The following MAGT1 variants were observed in gnomAD, a reference collection of about 807,000 sequenced individuals.
MAGT1 encodes the protein magnesium transporter 1.
A neutral mutation model predicts 28.4 loss-of-function variants in MAGT1; 4 were observed. That is an observed-to-expected ratio of 0.14 (90% confidence interval 0.07 to 0.32). The LOEUF (loss-of-function observed/expected upper bound fraction) is 0.32, where lower values mean the gene tolerates loss of function less well. MAGT1 is among the 10% of genes least tolerant of loss of function. The probability of loss-of-function intolerance (pLI) is 1.00; values close to 1 mark genes in which losing one functional copy is unlikely to be tolerated. For missense variants in MAGT1, 193 were observed against 264.5 expected (o/e 0.73, Z 1.88); for synonymous variants, 89 against 89.7 (o/e 0.99, Z 0.04).
chrX:77,868,110 A>T lies in MAGT1; in HGVS notation c.390+2698T>A, dbSNP rs961267736. On this transcript the variant is annotated intron_variant, in intron 3 of 9. Transcript: ENST00000618282. ...CAGAACATAAGATGAGGCTTGGGTG[A>T]AAGTGGAAGAGAAAACAGTTTAATT... 5 of 67,012 alleles carry T rather than the reference A, an allele frequency of 7.5e-5. 1 individual carries two copies. The highest frequency in any genetic ancestry group is 1.7e-4 in the African/African-American group (5 of 28,754). 5.5% of individuals were successfully genotyped at this position (67,012 alleles called of 1,213,427 possible).
chrX:77,840,224 A>AC (rs1408886133), intron 8 of MAGT1, among the ~76,000 whole-genome samples: 2 of 94,821 alleles, frequency 2.1e-5, no homozygotes, highest in African/African-American at 7.8e-5. Flanking sequence ...ACATGGTGAA[A>AC]CCCCGTCTCT....
At position 77,836,137 on chromosome X, in the gene MAGT1, GA is replaced by G. The variant is rs1358128306; in HGVS notation, c.901+5108del. 4.6e-5 allele frequency among the ~76,000 whole-genome samples: 5 copies of G among 108,952 alleles called. No homozygotes were observed. In the Admixed American group the frequency reaches 5.0e-4, roughly 11 times the overall value. The allele number at this position is 108,952 out of a possible 115,157, so 94.6% of individuals were successfully genotyped here. The stretch of plus-strand genomic sequence containing the variant: ...CATTAAGTGAAACAATTCAGGTACA[GA>G]AAAAAAAATCATATGTTCTCACTTA... On this transcript the variant is annotated intron_variant, in intron 8 of 9. Coordinates refer to ENST00000618282, the MANE Select transcript of MAGT1 (RefSeq NM_001367916.1).
Position 77,841,176 on chromosome X carries a change from A to T in MAGT1, c.901+70T>A, listed in dbSNP as rs1171473720. ...CTACTTATCCTATAAGTAAGAGGAA[A>T]AGTGATTAAGAGATCACTCTTTTTC... On this transcript the variant is annotated intron_variant, in intron 8 of 9. Coordinates refer to ENST00000618282, the MANE Select transcript of MAGT1 (RefSeq NM_001367916.1). 8 of 822,893 alleles carry T rather than the reference A, an allele frequency of 9.7e-6. No homozygotes were observed. In the Admixed American group the frequency reaches 1.4e-4, roughly 15 times the overall value. The allele number at this position is 822,893 out of a possible 1,213,427, so 67.8% of individuals were successfully genotyped here.
chrX:77,876,156 ATATATATATTTTTTT>A (rs1210727634), intron 1 of MAGT1, among the ~76,000 whole-genome samples: 15 of 31,718 alleles, frequency 4.7e-4, no homozygotes, highest in Admixed American at 1.1e-3. Flanking sequence ...ATATATATAT[ATATATATATTTTTTT>A]TTTTTTTTTT....
chrX:77,857,019 T>A, intron 4 of MAGT1, 146 bp from the exon 5 acceptor site: 1 of 525,825 alleles, frequency 1.9e-6, no homozygotes, highest in Non-Finnish European at 3.2e-6. Flanking sequence ...CCAATCAAAC[T>A]AGTCTATAAT....
intron 8 of MAGT1, among the ~76,000 whole-genome samples, chrX:77,834,278 G>T (rs1557213680): frequency 1.1e-5 from 1 of 92,916 alleles, no homozygotes; most frequent in African/African-American, 3.9e-5. Context: ...ATGCATATAT[G>T]TATATATATG....
Position 77,827,938 on chromosome X carries a change from G to GTA in MAGT1, c.*1280_*1281dup, listed in dbSNP as rs2076887845. 1 of 110,954 alleles carries GTA rather than the reference G, an allele frequency of 9.0e-6. No homozygotes were observed. Among genetic ancestry groups the GTA allele is most frequent in the South Asian group, 3.8e-4 (1 of 2,628 alleles). 9.1% of individuals were successfully genotyped at this position (110,954 alleles called of 1,213,427 possible). A position where few individuals can be genotyped will look rare whatever the true frequency, so the allele number is the denominator to read the frequency against. The stretch of plus-strand genomic sequence containing the variant: ...AATCTGAAATCTTTCTAAATACAAG[G>GTA]TAGTTAACACCATACTCAAGCAGAA... On this transcript the variant is annotated 3_prime_UTR_variant, in exon 10 of 10. Transcript: ENST00000618282.
intron 3 of MAGT1, among the ~76,000 whole-genome samples, chrX:77,862,465 C>T (rs1256001386): frequency 9.0e-6 from 1 of 110,884 alleles, no homozygotes; most frequent in Non-Finnish European, 1.9e-5. Flanking sequence ...CAACAAGGAA[C>T]TAATGTCCAG....
In MAGT1 at chrX:77,834,957, CT is replaced by C. The variant is rs1217379123; in HGVS notation, c.902-4063del. ...TGATCTGATCGAAAAAACATAAAAT[CT>C]TTTTTTTTTTTTTTTGAGACGGAGT... On this transcript the variant is annotated intron_variant, in intron 8 of 9. Transcript: ENST00000618282. 9.7e-3 allele frequency among the ~76,000 whole-genome samples: 939 copies of C among 96,550 alleles called. 11 individuals are homozygous for C. Among genetic ancestry groups the C allele is most frequent in the African/African-American group, 0.029 (771 of 26,865 alleles). The allele number at this position is 96,550 out of a possible 115,157, so 83.8% of individuals were successfully genotyped here.
intron 8 of MAGT1, among the ~76,000 whole-genome samples, chrX:77,838,555 C>T (rs1227822430): frequency 2.7e-5 from 3 of 109,775 alleles, no homozygotes; most frequent in Non-Finnish European, 3.8e-5. Flanking sequence ...GTCAGGAGTT[C>T]GAGACCAGCC....
At chrX:77,862,611 C>T (rs1342252545) in intron 3 of MAGT1, among the ~76,000 whole-genome samples, 2 of 111,700 alleles carry the variant, frequency 1.8e-5, no homozygotes, top group Non-Finnish European at 3.8e-5. Flanking sequence ...AGACATTTCT[C>T]AAAAGAAGAC....
At chrX:77,856,584 T>C in intron 5 of MAGT1, 149 bp downstream of exon 5, 1 of 559,531 alleles carries the variant, frequency 1.8e-6, no homozygotes, top group Non-Finnish European at 2.8e-6. Flanking sequence ...TGAAACAAAC[T>C]GATTTTAAGA....
intron 9 of MAGT1, among the ~76,000 whole-genome samples, chrX:77,830,412 G>A (rs187871218): frequency 1.8e-5 from 2 of 111,060 alleles, no homozygotes; most frequent in African/African-American, 6.5e-5. Flanking sequence ...TTGAGGTCAG[G>A]AGTCCAAGAC....
At chrX:77,840,057 CCA>C (rs1234506642) in intron 8 of MAGT1, among the ~76,000 whole-genome samples, 3 of 110,397 alleles carry the variant, frequency 2.7e-5, no homozygotes, top group Admixed American at 9.8e-5. Flanking sequence ...AGACAGAGGA[CCA>C]CACAGTTATT....
intron 3 of MAGT1, among the ~76,000 whole-genome samples, chrX:77,863,946 C>A (rs2077001724): frequency 1.8e-5 from 2 of 110,898 alleles, no homozygotes; most frequent in African/African-American, 6.5e-5. Context: ...ATGGCTTGAA[C>A]CTGGGAGGTT....
intron 3 of MAGT1, among the ~76,000 whole-genome samples, chrX:77,870,453 T>C (rs1446205766): frequency 1.8e-5 from 2 of 111,250 alleles, no homozygotes; most frequent in Non-Finnish European, 3.8e-5. Flanking sequence ...ATATCTATAG[T>C]ATAGATAGCT....
chrX:77,878,288 GC>G (rs1388495623), intron 1 of MAGT1, among the ~76,000 whole-genome samples: 6 of 31,130 alleles, frequency 1.9e-4, no homozygotes, highest in Admixed American at 1.6e-3. Context: ...AAACTCTGAT[GC>G]AAAAAAAAAA....
chrX:77,884,695 T>C (rs2077062329), intron 1 of MAGT1, among the ~76,000 whole-genome samples: 1 of 107,172 alleles, frequency 9.3e-6, no homozygotes, highest in African/African-American at 3.4e-5. Flanking sequence ...AGTAGCACCC[T>C]CCTCTCCCAG....
Position 77,828,615 on chromosome X carries a change from G to A in MAGT1, c.*605C>T, listed in dbSNP as rs181492623. The A allele has an allele frequency of 8.9e-6, 1 of 111,885 alleles. No individual in the cohort carries two copies. The highest frequency in any genetic ancestry group is 1.9e-5 in the Non-Finnish European group (1 of 53,446). 9.2% of individuals were successfully genotyped at this position (111,885 alleles called of 1,213,427 possible). Reference sequence around the variant, plus strand: ...CATAGACAGCACTGTATTTCAGTAGGAAATATGCAAGGAGGAGGAGAAACA... The same window carrying A: ...CATAGACAGCACTGTATTTCAGTAGAAAATATGCAAGGAGGAGGAGAAACA... On this transcript the variant is annotated 3_prime_UTR_variant, in exon 10 of 10. Transcript: ENST00000618282.
Sources: gnomAD v4.1 joint callset for allele counts (sites outside exome capture counted in the v4.1 genomes callset) on GRCh38, gnomAD v4.1.1 for gene constraint, MANE v1.5 for transcripts, NCBI Gene and HGNC (gene_info 2026-07-23, HGNC 2026-07-21) for gene names.